The following ATP9B variants were observed in gnomAD, a reference collection of about 807,000 sequenced individuals.
ATP9B encodes ATPase phospholipid transporting 9B.
In ATP9B, 110 loss-of-function variants were observed where a neutral mutation model predicts 146.1. That is an observed-to-expected ratio of 0.75 (90% CI 0.65 to 0.88). The LOEUF (loss-of-function observed/expected upper bound fraction) is 0.88, where lower values mean the gene tolerates loss of function less well. ATP9B is among the 40% of genes least tolerant of loss of function. ATP9B has a pLI of 0.00. For missense variants in ATP9B, 1,499 were observed against 1,496.4 expected, an observed-to-expected ratio of 1.00 and a Z score of -0.03; for synonymous variants, 604 against 569.7, an observed-to-expected ratio of 1.06 and a Z score of -0.86.
intron 20 of ATP9B, 53 bp downstream of exon 20, chr18:79,342,419 C>T (rs1325660271): frequency 2.2e-5 from 28 of 1,252,748 alleles, no homozygotes; most frequent in Admixed American, 5.4e-5. Context: ...CTCACACAAA[C>T]GAAGCCTATT....
chr18:79,114,302 C>A (rs1380764916), intron 4 of ATP9B, among the ~76,000 whole-genome samples: 1 of 152,124 alleles, frequency 6.6e-6, no homozygotes, highest in Non-Finnish European at 1.5e-5. Context: ...GGGCAGATGA[C>A]CCGAGGAATC....
intron 12 of ATP9B, among the ~76,000 whole-genome samples, chr18:79,265,424 G>A (rs572245303): frequency 3.3e-4 from 51 of 152,250 alleles, no homozygotes; most frequent in Admixed American, 2.0e-3. Flanking sequence ...GATTACAAGC[G>A]TGAGCCACCA....
intron 15 of ATP9B, among the ~76,000 whole-genome samples, chr18:79,320,264 A>G (rs935724963): frequency 6.6e-6 from 1 of 152,196 alleles, no homozygotes; most frequent in Admixed American, 6.5e-5. Flanking sequence ...AGGAGCCCGG[A>G]CCTGGGAGTG....
At chr18:79,253,235 C>T in intron 11 of ATP9B, 146 bp from the exon 12 acceptor site, 1 of 731,454 alleles carries the variant, frequency 1.4e-6, no homozygotes, top group Non-Finnish European at 2.1e-6. Context: ...GAAATTCTGC[C>T]TGAATTTTCA....
chr18:79,163,687 C>A (rs1363500110), intron 7 of ATP9B, among the ~76,000 whole-genome samples: 2 of 151,824 alleles, frequency 1.3e-5, no homozygotes, highest in African/African-American at 4.8e-5. Context: ...TTTTATAATT[C>A]TTTTGACAAA....
In ATP9B at chr18:79,315,683, G is replaced by A. The variant is rs543041402; in HGVS notation, c.1773+8449G>A. Among the ~76,000 whole-genome samples the A allele has an allele frequency of 3.9e-4, 59 of 152,312 alleles. 1 individual carries two copies. Among genetic ancestry groups the A allele is most frequent in the Middle Eastern group, 6.8e-3 (2 of 294 alleles). ...AATTATAGAGAATTATTAATGGTAA[G>A]AATTGCCCCGTATTTTGTATTCTCT... is the stretch of plus-strand genomic sequence containing the variant. On this transcript the variant is annotated intron_variant, in intron 15 of 29. Coordinates refer to ENST00000426216, the MANE Select transcript of ATP9B (RefSeq NM_198531.5).
At chr18:79,127,351 C>T (rs930451025) in intron 5 of ATP9B, among the ~76,000 whole-genome samples, 1 of 152,144 alleles carries the variant, frequency 6.6e-6, no homozygotes, top group African/African-American at 2.4e-5. Context: ...AGGCAGTGGT[C>T]GTTCTTGCTG....
chr18:79,303,082 CGTT>C (rs950190774), intron 13 of ATP9B, among the ~76,000 whole-genome samples: 1 of 152,152 alleles, frequency 6.6e-6, no homozygotes, highest in African/African-American at 2.4e-5. Context: ...CATTATTAAA[CGTT>C]GTTAGAGGCT....
intron 7 of ATP9B, among the ~76,000 whole-genome samples, chr18:79,158,178 A>G (rs1260748069): frequency 3.3e-5 from 5 of 152,136 alleles, no homozygotes; most frequent in Non-Finnish European, 7.3e-5. Context: ...GCTGTATTTC[A>G]TGAGGTTTGG....
chr18:79,104,580 T>C (rs2146901649), intron 2 of ATP9B, among the ~76,000 whole-genome samples: 1 of 151,964 alleles, frequency 6.6e-6, no homozygotes, highest in African/African-American at 2.4e-5. Flanking sequence ...TTTTACCAAG[T>C]GAAATGTAAC....
intron 5 of ATP9B, among the ~76,000 whole-genome samples, chr18:79,135,254 C>A (rs1310131921): frequency 2.0e-5 from 3 of 152,094 alleles, no homozygotes; most frequent in Non-Finnish European, 4.4e-5. Flanking sequence ...ATGAAAAGCC[C>A]CAGACTCCAA....
At chr18:79,290,746 C>T (rs774869448) in intron 13 of ATP9B, among the ~76,000 whole-genome samples, 11 of 152,242 alleles carry the variant, frequency 7.2e-5, no homozygotes, top group East Asian at 1.9e-4. Context: ...TGTTCCTATT[C>T]GGCTGTCTTG....
chr18:79,238,662 G>A (rs952136545), intron 11 of ATP9B, among the ~76,000 whole-genome samples: 5 of 152,154 alleles, frequency 3.3e-5, no homozygotes, highest in African/African-American at 7.2e-5. Flanking sequence ...AGCCTGTGGC[G>A]CCCCGGCCTG....
Position 79,345,495 on chromosome 18 carries a change from G to A in ATP9B, c.2540G>A (p.Cys847Tyr), listed in dbSNP as rs1250137693. ...LACQCPAVVC[C>Y]RCSPTQKARI... ...TGCCAGTGCCCTGCCGTGGTTTGCT[G>A]CCGCTGCTCACCCACCCAGAAGGCC... The change falls in exon 22 of 30, where the codon TGC becomes TAC. Residue 847 changes from cysteine (C) to tyrosine (Y), a missense_variant. Coordinates refer to ENST00000426216, the MANE Select transcript of ATP9B (RefSeq NM_198531.5). The A allele has an allele frequency of 1.2e-6, 2 of 1,613,530 alleles. No homozygotes were observed. The highest frequency in any genetic ancestry group is 1.7e-6 in the Non-Finnish European group (2 of 1,180,048).
At chr18:79,266,642 T>C (rs2096206876) in intron 12 of ATP9B, among the ~76,000 whole-genome samples, 1 of 152,126 alleles carries the variant, frequency 6.6e-6, no homozygotes, top group Non-Finnish European at 1.5e-5. Flanking sequence ...TTGCTAAAAG[T>C]TGTTTTAAAT....
At chr18:79,274,882 C>A (rs1379029596) in intron 12 of ATP9B, among the ~76,000 whole-genome samples, 2 of 152,174 alleles carry the variant, frequency 1.3e-5, no homozygotes, top group Admixed American at 6.5e-5. Flanking sequence ...CATGATACAA[C>A]AGCTCCGCGT....
intron 11 of ATP9B, among the ~76,000 whole-genome samples, chr18:79,251,719 A>G (rs1475637718): frequency 6.6e-6 from 1 of 152,226 alleles, no homozygotes; most frequent in Non-Finnish European, 1.5e-5. Context: ...TTGTGGGAAA[A>G]GGCTAGCTTT....
At chr18:79,097,313 A>G (rs985891152) in intron 2 of ATP9B, among the ~76,000 whole-genome samples, 3 of 151,762 alleles carry the variant, frequency 2.0e-5, no homozygotes. Context: ...TCTTTTACTC[A>G]GATTCACCTA....
intron 11 of ATP9B, among the ~76,000 whole-genome samples, chr18:79,236,216 T>A (rs1180002674): frequency 6.6e-6 from 1 of 152,154 alleles, no homozygotes; most frequent in Non-Finnish European, 1.5e-5. Context: ...TCTCATTGGG[T>A]TTTTAGTTTT....
Sources: allele counts gnomAD v4.1 joint callset (sites outside exome capture counted in the v4.1 genomes callset), GRCh38; gene constraint gnomAD v4.1.1; transcripts MANE v1.5; gene names NCBI Gene and HGNC (gene_info 2026-07-23, HGNC 2026-07-21).